KIAA0319L: variants seen among roughly 807,000 people sequenced by gnomAD.
The protein encoded by KIAA0319L is dyslexia-associated protein KIAA0319-like protein.
In KIAA0319L, 55 loss-of-function variants were observed where a neutral mutation model predicts 120.1. The observed-to-expected ratio is 0.46, with a 90% CI of 0.37 to 0.57. The LOEUF (loss-of-function observed/expected upper bound fraction) is 0.57. KIAA0319L is among the 20% of genes least tolerant of loss of function. KIAA0319L has a pLI of 0.00. For missense variants in KIAA0319L, 1,049 were observed against 1,255.3 expected (o/e 0.84, Z 2.48); for synonymous variants, 398 against 471.9 (o/e 0.84, Z 2.03).
chr1:35,465,418 C>T (rs1466180881), intron 7 of KIAA0319L, among the ~76,000 whole-genome samples: 1 of 152,176 alleles, frequency 6.6e-6, no homozygotes, highest in Non-Finnish European at 1.5e-5. Flanking sequence ...CCTGTAACCC[C>T]TCTGTTTTGG....
In KIAA0319L at chr1:35,454,353, G is replaced by T; in HGVS notation, c.1780+9C>A. The T allele has an allele frequency of 6.2e-7, 1 of 1,613,766 alleles. No homozygotes were observed. The highest frequency in any genetic ancestry group is 8.5e-7 in the Non-Finnish European group (1 of 1,179,784). On this transcript the variant is annotated intron_variant, in intron 11 of 20. Transcript: ENST00000325722. Reference sequence around the variant, plus strand: ...ATAGAAGAGCCTGAACCACAAGGCTGGAGCTTACCAGGTTGCACAATAACA... The same window carrying T: ...ATAGAAGAGCCTGAACCACAAGGCTTGAGCTTACCAGGTTGCACAATAACA...
At chr1:35,539,990 C>A (rs968311236) in intron 2 of KIAA0319L, among the ~76,000 whole-genome samples, 1 of 152,192 alleles carries the variant, frequency 6.6e-6, no homozygotes, top group African/African-American at 2.4e-5. Flanking sequence ...AATTCATAAG[C>A]ATACATTTAT....
chr1:35,491,974 A>G (rs575466398), intron 3 of KIAA0319L, among the ~76,000 whole-genome samples: 2 of 152,378 alleles, frequency 1.3e-5, no homozygotes, highest in African/African-American at 4.8e-5. Flanking sequence ...CTACATAGCA[A>G]TGTATCTATC....
Position 35,456,130 on chromosome 1 carries a change from G to T in KIAA0319L, c.1539C>A (p.Ile513=), listed in dbSNP as rs1361801462. 2 of 1,613,896 alleles carry T rather than the reference G, an allele frequency of 1.2e-6. No individual in the cohort carries two copies. The highest frequency in any genetic ancestry group is 2.7e-5 in the African/African-American group (2 of 74,880). The change falls in exon 10 of 21, where the codon ATC becomes ATA. Residue 513 remains isoleucine, a synonymous_variant. Coordinates refer to ENST00000325722, the MANE Select transcript of KIAA0319L (RefSeq NM_024874.5). ...GGGTGATGGAGTTTTGGGGCAGGGTGATCACTTGGTTGGGGCCTGCGTTGG... is the reference window on the plus strand; with the variant it reads ...GGGTGATGGAGTTTTGGGGCAGGGTTATCACTTGGTTGGGGCCTGCGTTGG... The part of the protein sequence containing the change: ...PVANAGPNQV[I]TLPQNSITLF...
chr1:35,493,144 T>C (rs1570806929), intron 3 of KIAA0319L, among the ~76,000 whole-genome samples: 2 of 152,268 alleles, frequency 1.3e-5, no homozygotes, highest in Admixed American at 6.5e-5. Flanking sequence ...GAAAATCCTA[T>C]GGAATCTATA....
chr1:35,471,412 C>T (rs572744169), intron 5 of KIAA0319L, among the ~76,000 whole-genome samples: 3 of 152,292 alleles, frequency 2.0e-5, no homozygotes, highest in East Asian at 1.9e-4. Flanking sequence ...TAACAATGCT[C>T]GTCTCACTGA....
chr1:35,524,498 G>T (rs1646044964), intron 2 of KIAA0319L, among the ~76,000 whole-genome samples: 1 of 152,188 alleles, frequency 6.6e-6, no homozygotes, highest in Non-Finnish European at 1.5e-5. Flanking sequence ...AATGAGGGAA[G>T]AAAGAACTTG....
chr1:35,502,212 T>G (rs753806918), intron 3 of KIAA0319L, among the ~76,000 whole-genome samples: 2 of 150,962 alleles, frequency 1.3e-5, no homozygotes, highest in African/African-American at 4.9e-5. Flanking sequence ...GAGGCAGAGG[T>G]TGCAGTGAGC....
At chr1:35,552,794 G>A (rs751661428) in intron 2 of KIAA0319L, among the ~76,000 whole-genome samples, 2 of 151,830 alleles carry the variant, frequency 1.3e-5, no homozygotes, top group Non-Finnish European at 2.9e-5. Flanking sequence ...CCAGGCAGAC[G>A]GGTGTAGTTG....
chr1:35,518,273 C>A (rs968265345), intron 2 of KIAA0319L, among the ~76,000 whole-genome samples: 1 of 152,086 alleles, frequency 6.6e-6, no homozygotes, highest in Non-Finnish European at 1.5e-5. Flanking sequence ...TGTGAGTGTT[C>A]ATTACAGCAC....
intron 2 of KIAA0319L, chr1:35,509,630 A>G (rs1254703834): frequency 1.3e-5 from 2 of 152,372 alleles, no homozygotes; most frequent in African/African-American, 4.8e-5. Flanking sequence ...TAACACCTTG[A>G]TTTTGGATTT....
chr1:35,450,818 G>A (rs998461582), intron 13 of KIAA0319L, among the ~76,000 whole-genome samples: 3 of 152,222 alleles, frequency 2.0e-5, no homozygotes, highest in African/African-American at 7.2e-5. Flanking sequence ...GGTATGTGAT[G>A]ATCAGAAATA....
chr1:35,474,385 T>TATC (rs1028162822), intron 5 of KIAA0319L, among the ~76,000 whole-genome samples: 3 of 152,320 alleles, frequency 2.0e-5, no homozygotes. Flanking sequence ...AATGAGATAG[T>TATC]AGATAAGTTA....
intron 20 of KIAA0319L, among the ~76,000 whole-genome samples, chr1:35,436,840 G>A (rs371738869): frequency 9.8e-4 from 149 of 152,138 alleles, no homozygotes; most frequent in African/African-American, 2.4e-3. Flanking sequence ...AGACTCCCGC[G>A]CACACACATC....
chr1:35,552,164 A>G (rs1647253263), intron 2 of KIAA0319L, among the ~76,000 whole-genome samples: 1 of 152,154 alleles, frequency 6.6e-6, no homozygotes, highest in South Asian at 2.1e-4. Context: ...CAACATGGAG[A>G]AACCTGGTCT....
At chr1:35,498,406 T>C (rs1002611068) in intron 3 of KIAA0319L, among the ~76,000 whole-genome samples, 2 of 152,016 alleles carry the variant, frequency 1.3e-5, no homozygotes, top group African/African-American at 4.8e-5. Flanking sequence ...TGGATGGAAT[T>C]TCCTTGAGCA....
intron 2 of KIAA0319L, among the ~76,000 whole-genome samples, chr1:35,513,068 C>G (rs1423500512): frequency 6.6e-6 from 1 of 150,934 alleles, no homozygotes; most frequent in Non-Finnish European, 1.5e-5. Flanking sequence ...GTAGTTGTAA[C>G]AGAACTTAAC....
chr1:35,506,976 A>T lies in KIAA0319L; in HGVS notation c.302T>A (p.Leu101Gln). Residue 101 changes from leucine (L) to glutamine (Q), a missense_variant, in exon 3 of 21, where the codon CTA becomes CAA. Leu to Gln is a moderately radical substitution (Grantham distance 113). Transcript: ENST00000325722. This position sits in a 1 kb window ranked among gnomAD's most constrained non-coding sequence, Gnocchi z 4.0. ...GTCTGCCTGAATGCACATCCCTTCT[A>T]GCCACCAAAAGACATGGCAGGCAGA... Reference protein sequence around the residue: ...QDSACHVFWWLEGMCIQADCS... With the variant: ...QDSACHVFWWQEGMCIQADCS... 6.2e-7 allele frequency: 1 copy of T among 1,613,658 alleles called. No homozygotes were observed. The highest frequency in any genetic ancestry group is 8.5e-7 in the Non-Finnish European group (1 of 1,179,794).
intron 3 of KIAA0319L, among the ~76,000 whole-genome samples, chr1:35,488,781 C>T (rs1406127535): frequency 1.3e-5 from 2 of 152,036 alleles, no homozygotes; most frequent in Non-Finnish European, 2.9e-5. Context: ...GCAGATGGGG[C>T]CAATCAAATA....
Sources: allele counts gnomAD v4.1 joint callset (sites outside exome capture counted in the v4.1 genomes callset), GRCh38; gene constraint gnomAD v4.1.1; non-coding constraint Gnocchi (gnomAD v3.1); transcripts MANE v1.5; gene names NCBI Gene and HGNC (gene_info 2026-07-23, HGNC 2026-07-21).